Variants in HS2ST1 observed in about 807,000 individuals in gnomAD.
The protein encoded by HS2ST1 is 2-O-sulfotransferase.
In HS2ST1, 18 loss-of-function variants were observed where a neutral mutation model predicts 42.9. The observed-to-expected ratio is 0.42, with a 90% CI of 0.29 to 0.62. The LOEUF is 0.62. Ranked by LOEUF, HS2ST1 falls within the 20% of genes least tolerant of loss-of-function variation. The pLI, the probability that HS2ST1 is intolerant of heterozygous loss-of-function variation, is 0.21. For missense variants in HS2ST1, 334 were observed against 433.8 expected (o/e 0.77, Z 2.04); for synonymous variants, 146 against 152.9 (o/e 0.95, Z 0.33).
chr1:86,995,407 A>G (rs1226023242), intron 1 of HS2ST1, among the ~76,000 whole-genome samples: 2 of 152,096 alleles, frequency 1.3e-5, no homozygotes, highest in African/African-American at 4.8e-5. Flanking sequence ...ATATTAGAAA[A>G]CTCTTAAAAA....
At chr1:87,071,163 G>C (rs1651394724) in intron 1 of HS2ST1, among the ~76,000 whole-genome samples, 1 of 152,162 alleles carries the variant, frequency 6.6e-6, no homozygotes, top group African/African-American at 2.4e-5. Context: ...AGCAGGCCTG[G>C]AATTTTTAAT....
chr1:86,934,833 CAGG>C lies in HS2ST1; in HGVS notation c.124+19676_124+19678del, dbSNP rs1490650590. The C allele has an allele frequency of 6.3e-5, 9 of 143,230 alleles. No homozygotes were observed. The Admixed American group carries it at 6.9e-4, about 11-fold the overall frequency. 8.9% of individuals were successfully genotyped at this position (143,230 alleles called of 1,614,324 possible). On this transcript the variant is annotated intron_variant, in intron 1 of 6. Transcript: ENST00000370550. ...TTCCCAGCTACTTGGGAGACAGAGCCAGGAGAATGGCGTGAACCTGGGAGGCGG... is the reference window on the plus strand; with the variant it reads ...TTCCCAGCTACTTGGGAGACAGAGCCAGAATGGCGTGAACCTGGGAGGCGG...
intron 1 of HS2ST1, among the ~76,000 whole-genome samples, chr1:86,978,861 CTT>C (rs55812524): frequency 4.1e-5 from 4 of 98,650 alleles, no homozygotes; most frequent in East Asian, 6.8e-4. Context: ...ACTTGTGAAT[CTT>C]TTTTTTTTTT....
chr1:87,066,858 G>T, intron 1 of HS2ST1, among the ~76,000 whole-genome samples: 1 of 152,100 alleles, frequency 6.6e-6, no homozygotes, highest in East Asian at 1.9e-4. Context: ...TGCTGAGAAT[G>T]ATGGTTTTCA....
intron 1 of HS2ST1, among the ~76,000 whole-genome samples, chr1:87,028,683 C>G (rs1650149778): frequency 6.6e-6 from 1 of 152,120 alleles, no homozygotes; most frequent in African/African-American, 2.4e-5. Context: ...CACGTTTTTG[C>G]AAACTCTAAA....
intron 1 of HS2ST1, among the ~76,000 whole-genome samples, chr1:86,964,419 C>G (rs563300472): frequency 2.6e-5 from 4 of 152,350 alleles, no homozygotes; most frequent in African/African-American, 9.6e-5. Context: ...GCAGATCACT[C>G]ACGGTTAGGA....
intron 1 of HS2ST1, among the ~76,000 whole-genome samples, chr1:87,072,413 A>G (rs1404279180): frequency 1.3e-5 from 2 of 152,236 alleles, no homozygotes; most frequent in African/African-American, 2.4e-5. Flanking sequence ...ATCGGGTAAT[A>G]AATTTCAAAA....
chr1:87,104,395 A>C (rs997717397), intron 6 of HS2ST1, 75 bp from the exon 7 acceptor site: 2 of 907,828 alleles, frequency 2.2e-6, no homozygotes, highest in Admixed American at 2.0e-5. Context: ...CACCTCTTCA[A>C]ATAAAGAGGC....
intron 1 of HS2ST1, among the ~76,000 whole-genome samples, chr1:86,939,490 G>C (rs1187639824): frequency 6.6e-6 from 1 of 152,172 alleles, no homozygotes; most frequent in Non-Finnish European, 1.5e-5. Flanking sequence ...ATGTACTTAT[G>C]TTTTCACCTT....
chr1:87,097,761 A>C, intron 4 of HS2ST1, 77 bp from the exon 5 acceptor site: 1 of 1,543,470 alleles, frequency 6.5e-7, no homozygotes, highest in Non-Finnish European at 8.9e-7. Flanking sequence ...CATTTATTTA[A>C]TAATTTACCA....
intron 1 of HS2ST1, among the ~76,000 whole-genome samples, chr1:87,056,043 G>C (rs1425022838): frequency 6.6e-6 from 1 of 152,124 alleles, no homozygotes; most frequent in Non-Finnish European, 1.5e-5. Context: ...AACTCATGTT[G>C]AGGCTTGGTC....
At chr1:87,067,520 C>T (rs921972810) in intron 1 of HS2ST1, among the ~76,000 whole-genome samples, 7 of 152,072 alleles carry the variant, frequency 4.6e-5, no homozygotes, top group African/African-American at 1.2e-4. Flanking sequence ...CTGTAGGTTG[C>T]CTGTTCACTC....
intron 1 of HS2ST1, among the ~76,000 whole-genome samples, chr1:87,009,094 C>T (rs1163898454): frequency 6.6e-6 from 1 of 152,184 alleles, no homozygotes; most frequent in Non-Finnish European, 1.5e-5. Context: ...TCGCCCACCT[C>T]GGCCTCCCAG....
At chr1:87,034,182 A>G (rs1160812974) in intron 1 of HS2ST1, among the ~76,000 whole-genome samples, 1 of 152,256 alleles carries the variant, frequency 6.6e-6, no homozygotes, top group Non-Finnish European at 1.5e-5. Flanking sequence ...AATGGCTTTG[A>G]TGAAATACCA....
chr1:87,014,812 T>C (rs551576924), intron 1 of HS2ST1, among the ~76,000 whole-genome samples: 120 of 152,334 alleles, frequency 7.9e-4, no homozygotes, highest in Admixed American at 2.2e-3. Flanking sequence ...TATTGATCTT[T>C]ATAGCCAAGG....
chr1:86,961,123 T>C (rs891177840), intron 1 of HS2ST1, among the ~76,000 whole-genome samples: 1 of 132,404 alleles, frequency 7.6e-6, no homozygotes, highest in South Asian at 2.8e-4. Context: ...TGAAAAGACA[T>C]GCACAGAGTC....
Position 87,104,455 on chromosome 1 carries a change from C to T in HS2ST1, c.845-15C>T, listed in dbSNP as rs778331018. ...GAATTATTTACCTTTCCTTTTTTTC[C>T]CCCTTTGTAAGTAGGAAAGAAATCT... On this transcript the variant is annotated splice_polypyrimidine_tract_variant and intron_variant, in intron 6 of 6. Transcript: ENST00000370550. The T allele has an allele frequency of 1.3e-6, 2 of 1,517,646 alleles. No homozygotes were observed. Among genetic ancestry groups the T allele is most frequent in the African/African-American group, 1.4e-5 (1 of 71,368 alleles). 94.0% of individuals were successfully genotyped at this position (1,517,646 alleles called of 1,614,324 possible).
chr1:86,956,343 A>T (rs969525181), intron 1 of HS2ST1: 2 of 152,224 alleles, frequency 1.3e-5, no homozygotes, highest in African/African-American at 2.4e-5. Flanking sequence ...CAAAGCCAGG[A>T]TTTTTCTGAA....
At chr1:86,980,272 T>C (rs1416525315) in intron 1 of HS2ST1, among the ~76,000 whole-genome samples, 1 of 152,196 alleles carries the variant, frequency 6.6e-6, no homozygotes, top group Non-Finnish European at 1.5e-5. Flanking sequence ...AATTAAAATA[T>C]AACTGTCATG....
Sources: allele counts gnomAD v4.1 joint callset (sites outside exome capture counted in the v4.1 genomes callset), GRCh38; gene constraint gnomAD v4.1.1; transcripts MANE v1.5; gene names NCBI Gene and HGNC (gene_info 2026-07-23, HGNC 2026-07-21).